Variants in LRP1B observed in about 807,000 individuals in gnomAD.
The protein encoded by LRP1B is LDL receptor related protein 1B, also known as low-density lipoprotein receptor-related protein 1B.
Under a neutral mutation model 556.6 loss-of-function variants are expected in LRP1B, and 217 were observed. The observed-to-expected ratio is 0.39, with a 90% CI of 0.35 to 0.44. LRP1B has a LOEUF of 0.44. Among genes scored for constraint, LRP1B ranks in the 20% least tolerant of loss-of-function variants. The pLI, the probability that LRP1B is intolerant of heterozygous loss-of-function variation, is 1.00. For missense variants in LRP1B, 5,053 were observed against 5,620.8 expected (o/e 0.90, Z 3.23); for synonymous variants, 2,047 against 1,865.8 (o/e 1.10, Z -2.50).
rs377033531 is a variant in LRP1B, at chr2:141,795,921, A to T, written c.205+14358T>A. Among the ~76,000 whole-genome samples, 25 of 137,384 alleles carry T rather than the reference A, an allele frequency of 1.8e-4. No homozygotes were observed. The East Asian group carries it at 5.1e-3, about 28-fold the overall frequency. 90.1% of individuals were successfully genotyped at this position (137,384 alleles called of 152,430 possible). On this transcript the variant is annotated intron_variant, in intron 2 of 90. Transcript: ENST00000389484. The stretch of plus-strand genomic sequence containing the variant: ...ATATAATCTTTAAGCAAAATTTAAC[A>T]TGAACCTGGCCATCTGAATCTTGAT...
intron 41 of LRP1B, among the ~76,000 whole-genome samples, chr2:140,649,187 G>C (rs1684587873): frequency 6.6e-6 from 1 of 151,932 alleles, no homozygotes; most frequent in Non-Finnish European, 1.5e-5. Flanking sequence ...TTGTCTTCTG[G>C]CATTCTCTAT....
intron 7 of LRP1B, among the ~76,000 whole-genome samples, chr2:141,153,225 A>ATTATATATATAAT (rs1553467662): frequency 3.0e-5 from 4 of 135,524 alleles, no homozygotes; most frequent in Non-Finnish European, 4.6e-5. Flanking sequence ...ACATATATAT[A>ATTATATATATAAT]TTATATATAT....
At chr2:140,514,522 C>T (rs1274000593) in intron 51 of LRP1B, 131 bp downstream of exon 51, 1 of 651,934 alleles carries the variant, frequency 1.5e-6, no homozygotes, top group South Asian at 5.1e-5. Context: ...ATAATAAAAA[C>T]AGCTACCTAG....
chr2:140,737,064 T>C (rs1559086138), intron 35 of LRP1B, among the ~76,000 whole-genome samples: 1 of 151,902 alleles, frequency 6.6e-6, no homozygotes, highest in Non-Finnish European at 1.5e-5. Context: ...CCCAAAAAAA[T>C]AAACAAGGGA....
At chr2:140,652,922 T>G (rs1287227561) in intron 41 of LRP1B, among the ~76,000 whole-genome samples, 2 of 152,090 alleles carry the variant, frequency 1.3e-5, no homozygotes, top group Non-Finnish European at 2.9e-5. Context: ...CAAAAGCTAT[T>G]CTTAAAATTA....
intron 1 of LRP1B, among the ~76,000 whole-genome samples, chr2:142,086,142 TGAAAATGTGTCATTTTCCAAGTGC>T (rs1333548058): frequency 6.6e-6 from 1 of 152,162 alleles, no homozygotes; most frequent in African/African-American, 2.4e-5. Flanking sequence ...TCAACAAGAG[TGAAAATGTGTCATTTTCCAAGTGC>T]GAAAATGTGT....
chr2:141,353,216 T>C (rs1476564620), intron 3 of LRP1B, among the ~76,000 whole-genome samples: 1 of 151,944 alleles, frequency 6.6e-6, no homozygotes, highest in Non-Finnish European at 1.5e-5. Flanking sequence ...AGAAGTGATA[T>C]GCAGTATTTC....
chr2:140,568,394 A>AT (rs1681205638), intron 43 of LRP1B, among the ~76,000 whole-genome samples: 1 of 152,010 alleles, frequency 6.6e-6, no homozygotes, highest in African/African-American at 2.4e-5. Context: ...AGAATAAAGA[A>AT]TTTCTTAATC....
At chr2:141,030,292 A>G (rs1698330925) in intron 11 of LRP1B, among the ~76,000 whole-genome samples, 1 of 152,134 alleles carries the variant, frequency 6.6e-6, no homozygotes, top group South Asian at 2.1e-4. Flanking sequence ...TGGCATGAAT[A>G]GTTACACTGA....
At chr2:141,726,310 A>G (rs921285980) in intron 2 of LRP1B, among the ~76,000 whole-genome samples, 6 of 151,512 alleles carry the variant, frequency 4.0e-5, no homozygotes, top group Non-Finnish European at 7.4e-5. Flanking sequence ...TCTGGGTAAG[A>G]GGTAATTTTA....
intron 2 of LRP1B, among the ~76,000 whole-genome samples, chr2:141,583,941 T>C (rs1331504894): frequency 6.6e-6 from 1 of 151,564 alleles, no homozygotes. Context: ...GGTTTCACTG[T>C]GTTAGCCAGG....
At chr2:141,776,383 T>C (rs1354160667) in intron 2 of LRP1B, among the ~76,000 whole-genome samples, 1 of 152,224 alleles carries the variant, frequency 6.6e-6, no homozygotes, top group Non-Finnish European at 1.5e-5. Context: ...CATATATTCT[T>C]GCTAAGTGCT....
intron 71 of LRP1B, among the ~76,000 whole-genome samples, chr2:140,370,143 C>T (rs751218928): frequency 4.9e-4 from 74 of 151,888 alleles, no homozygotes; most frequent in Non-Finnish European, 6.6e-4. Context: ...AATCTTCGCA[C>T]AGCTAGGAAA....
At chr2:141,319,681 A>G (rs1415464340) in intron 3 of LRP1B, among the ~76,000 whole-genome samples, 1 of 152,102 alleles carries the variant, frequency 6.6e-6, no homozygotes, top group Non-Finnish European at 1.5e-5. Flanking sequence ...ATGCATATTC[A>G]GGTAGATAAT....
chr2:140,838,908 T>G (rs1282105415), intron 31 of LRP1B, among the ~76,000 whole-genome samples: 4 of 152,186 alleles, frequency 2.6e-5, no homozygotes, highest in Non-Finnish European at 5.9e-5. Flanking sequence ...TATTATATTC[T>G]AAGAGAATTT....
At chr2:141,051,230 G>A (rs1699026355) in intron 10 of LRP1B, among the ~76,000 whole-genome samples, 1 of 151,998 alleles carries the variant, frequency 6.6e-6, no homozygotes, top group African/African-American at 2.4e-5. Flanking sequence ...GATCCCTCAA[G>A]CATATACAAT....
intron 1 of LRP1B, among the ~76,000 whole-genome samples, chr2:141,921,047 G>C (rs1370355720): frequency 3.3e-5 from 5 of 151,958 alleles, no homozygotes; most frequent in Non-Finnish European, 5.9e-5. Flanking sequence ...TCAACATGTA[G>C]TATGTAACTG....
intron 41 of LRP1B, among the ~76,000 whole-genome samples, chr2:140,624,462 A>G (rs1322467748): frequency 6.6e-6 from 1 of 152,188 alleles, no homozygotes; most frequent in East Asian, 1.9e-4. Flanking sequence ...ACAATGATTC[A>G]TCTAGCAAAT....
chr2:140,870,479 C>A (rs1693094031), intron 25 of LRP1B, among the ~76,000 whole-genome samples: 2 of 152,104 alleles, frequency 1.3e-5, no homozygotes, highest in Admixed American at 6.6e-5. Flanking sequence ...ATATGGCTCC[C>A]ATGTACACTT....
Sources: allele counts gnomAD v4.1 joint callset (sites outside exome capture counted in the v4.1 genomes callset), GRCh38; gene constraint gnomAD v4.1.1; transcripts MANE v1.5; gene names NCBI Gene and HGNC (gene_info 2026-07-23, HGNC 2026-07-21).